RIGI: variants seen among roughly 807,000 people sequenced by gnomAD.
The protein encoded by RIGI is antiviral innate immune response receptor RIG-I.
the RIGI span, among the ~76,000 whole-genome samples, chr9:32,516,192 A>G: frequency 3.1e-3 from 475 of 152,288 alleles, 11 homozygotes; most frequent in East Asian, 0.049. Context: ...CTCATTCATC[A>G]TGATTGCTTC....
the RIGI span, among the ~76,000 whole-genome samples, chr9:32,508,891 C>T: frequency 6.6e-6 from 1 of 152,154 alleles, no homozygotes; most frequent in African/African-American, 2.4e-5. Flanking sequence ...TGAAGTTGAC[C>T]TGGGATGCTC....
At chr9:32,467,945 A>T in the RIGI span, 2 of 1,572,264 alleles carry the variant, frequency 1.3e-6, no homozygotes, top group East Asian at 4.5e-5. Context: ...GTGTCAGAGT[A>T]AGAGGGCATT....
the RIGI span, chr9:32,500,854 G>C: frequency 6.2e-7 from 1 of 1,614,122 alleles, no homozygotes; most frequent in Non-Finnish European, 8.5e-7. Context: ...CTTCCTCCTG[G>C]AGCTCCAACA....
At chr9:32,457,069 C>A in the RIGI span, 1 of 1,411,010 alleles carries the variant, frequency 7.1e-7, no homozygotes, top group Non-Finnish European at 9.9e-7. Flanking sequence ...ATGTTTGTTT[C>A]TTCTCCACTC....
chr9:32,507,413 TATCA>T, the RIGI span, among the ~76,000 whole-genome samples: 1 of 152,158 alleles, frequency 6.6e-6, no homozygotes, highest in Admixed American at 6.6e-5. Flanking sequence ...ATGCTTTTAT[TATCA>T]TTTATCTGAC....
the RIGI span, chr9:32,498,201 C>T: frequency 2.2e-6 from 1 of 445,844 alleles, no homozygotes; most frequent in Non-Finnish European, 4.5e-6. Context: ...TGAGAGTTTT[C>T]ATGTCCTCTG....
At chr9:32,485,301 G>GA in the RIGI span, 1 of 1,311,172 alleles carries the variant, frequency 7.6e-7, no homozygotes, top group Non-Finnish European at 1.1e-6. Flanking sequence ...AAAAAAAAAA[G>GA]AAAAAGAAAA....
At chr9:32,459,558 T>C in the RIGI span, 2 of 1,577,822 alleles carry the variant, frequency 1.3e-6, no homozygotes, top group Non-Finnish European at 1.7e-6. Context: ...GAGTACAACA[T>C]ATATAGCAAG....
the RIGI span, among the ~76,000 whole-genome samples, chr9:32,523,812 T>C: frequency 6.6e-6 from 1 of 151,926 alleles, no homozygotes; most frequent in Admixed American, 6.6e-5. Context: ...CCTCTCCTTA[T>C]CACATTTCAG....
At chr9:32,463,262 G>A in the RIGI span, among the ~76,000 whole-genome samples, 1 of 152,170 alleles carries the variant, frequency 6.6e-6, no homozygotes, top group African/African-American at 2.4e-5. Context: ...CAATTTTTCA[G>A]TTGTAAAACT....
At chr9:32,477,048 C>T in the RIGI span, 7 of 1,614,186 alleles carry the variant, frequency 4.3e-6, no homozygotes, top group Non-Finnish European at 5.9e-6. Flanking sequence ...TGGTACTCTT[C>T]TTGTAAGATG....
At chr9:32,511,646 A>G in the RIGI span, among the ~76,000 whole-genome samples, 1 of 152,230 alleles carries the variant, frequency 6.6e-6, no homozygotes, top group African/African-American at 2.4e-5. Flanking sequence ...TCTAAAATCA[A>G]CATCATAATA....
At chr9:32,510,387 C>A in the RIGI span, among the ~76,000 whole-genome samples, 410 of 152,314 alleles carry the variant, frequency 2.7e-3, 3 homozygotes, top group African/African-American at 9.6e-3. Context: ...AACAGCAGAT[C>A]TCTCTGTAGA....
At chr9:32,509,776 A>AT in the RIGI span, among the ~76,000 whole-genome samples, 1 of 152,084 alleles carries the variant, frequency 6.6e-6, no homozygotes, top group African/African-American at 2.4e-5. Context: ...AAGGTGGGTA[A>AT]TAAGAAACTC....
At chr9:32,510,026 C>T in the RIGI span, among the ~76,000 whole-genome samples, 2 of 151,364 alleles carry the variant, frequency 1.3e-5, no homozygotes, top group East Asian at 3.9e-4. Flanking sequence ...AGCATGAAGA[C>T]AAGATTAGAG....
the RIGI span, chr9:32,485,210 G>A: frequency 3.1e-6 from 5 of 1,609,616 alleles, no homozygotes; most frequent in African/African-American, 1.3e-5. Flanking sequence ...CAGACTCTCT[G>A]TGTCCCTCAT....
At chr9:32,518,877 T>C in the RIGI span, among the ~76,000 whole-genome samples, 2 of 152,184 alleles carry the variant, frequency 1.3e-5, no homozygotes, top group Non-Finnish European at 2.9e-5. Flanking sequence ...GCCTGGCCAA[T>C]TTTTGTATTT....
chr9:32,463,835 C>G, the RIGI span, among the ~76,000 whole-genome samples: 193 of 127,058 alleles, frequency 1.5e-3, no homozygotes, highest in African/African-American at 5.3e-3. Context: ...TTCACCCCAT[C>G]TTTATTCTCT....
chr9:32,504,345 T>C, the RIGI span, among the ~76,000 whole-genome samples: 17 of 152,168 alleles, frequency 1.1e-4, no homozygotes, highest in South Asian at 2.1e-4. Flanking sequence ...TAACACTCAT[T>C]AGTGTCTCTG....
Sources: gnomAD v4.1 joint callset for allele counts (sites outside exome capture counted in the v4.1 genomes callset) on GRCh38, gnomAD v4.1.1 for gene constraint, MANE v1.5 for transcripts, NCBI Gene and HGNC (gene_info 2026-07-23, HGNC 2026-07-21) for gene names.